The following NNMT variants were observed in gnomAD, a reference collection of about 807,000 sequenced individuals.
NNMT encodes nicotinamide N-methyltransferase.
NNMT carries 10 observed loss-of-function variants against 11.7 expected under a neutral mutation model. The ratio of observed to expected loss-of-function variants is 0.85; its 90% CI spans 0.53 to 1.45. NNMT has a LOEUF of 1.45. Ranked by LOEUF, NNMT falls within the 40% of genes most tolerant of loss-of-function variation. NNMT has a pLI of 0.00. For missense variants in NNMT, 381 were observed against 319.4 expected (o/e 1.19, Z -1.47); for synonymous variants, 143 against 133.8 (o/e 1.07, Z -0.48).
At chr11:114,276,590 G>T (rs1273616625) in intron 2 of NNMT, among the ~76,000 whole-genome samples, 1 of 152,220 alleles carries the variant, frequency 6.6e-6, no homozygotes, top group African/African-American at 2.4e-5. Context: ...TTTATAATAT[G>T]CTCCACTCAT....
Position 114,312,707 on chromosome 11 carries a change from T to A in NNMT, c.*230T>A. On this transcript the variant is annotated 3_prime_UTR_variant, in exon 3 of 3. Coordinates refer to ENST00000299964, the MANE Select transcript of NNMT (RefSeq NM_006169.3). ...CAAAGATGAGCAATTAGTATTCCAG[T>A]CTTCATTGCCTGTGCTTACAAAAGA... 1 of 521,186 alleles carries A rather than the reference T, an allele frequency of 1.9e-6. No homozygotes were observed. Among genetic ancestry groups the A allele is most frequent in the Non-Finnish European group, 3.4e-6 (1 of 294,674 alleles). The allele number at this position is 521,186 out of a possible 1,614,324, so 32.3% of individuals were successfully genotyped here. A position where few individuals can be genotyped will look rare whatever the true frequency, so the allele number is the denominator to read the frequency against.
intron 2 of NNMT, among the ~76,000 whole-genome samples, chr11:114,299,595 T>C (rs1215368014): frequency 1.3e-5 from 2 of 152,228 alleles, no homozygotes; most frequent in Non-Finnish European, 2.9e-5. Flanking sequence ...ATTATTAGTA[T>C]AATTTCCTTC....
Position 114,298,088 on chromosome 11 carries a change from C to T in NNMT, c.292C>T (p.Leu98=). The T allele has an allele frequency of 6.2e-7, 1 of 1,614,142 alleles. No homozygotes were observed. The highest frequency in any genetic ancestry group is 8.5e-7 in the Non-Finnish European group (1 of 1,180,030). Reference sequence around the variant, plus strand: ...GAACCTGCAGGAGCTGGAGAAGTGGCTGAAGAAAGAGCCAGAGGCCTTTGA... The same window carrying T: ...GAACCTGCAGGAGCTGGAGAAGTGGTTGAAGAAAGAGCCAGAGGCCTTTGA... The part of the protein sequence containing the change: ...DQNLQELEKW[L]KKEPEAFDWS... The change falls in exon 2 of 3, where the codon CTG becomes TTG. Residue 98 remains leucine, a synonymous_variant. Transcript: ENST00000299964.
At chr11:114,307,574 T>C (rs1202844763) in intron 2 of NNMT, among the ~76,000 whole-genome samples, 2 of 152,120 alleles carry the variant, frequency 1.3e-5, no homozygotes, top group Non-Finnish European at 2.9e-5. Flanking sequence ...AATCTGATCA[T>C]GTCACTCTCC....
Position 114,287,602 on chromosome 11 carries a change from T to C in NNMT, c.-129-8826T>C, listed in dbSNP as rs553090520. Among the ~76,000 whole-genome samples, 12 of 152,336 alleles carry C rather than the reference T, an allele frequency of 7.9e-5. No individual in the cohort carries two copies. In the East Asian group the frequency reaches 2.3e-3, roughly 29 times the overall value. On this transcript the variant is annotated intron_variant, in intron 2 of 4. Transcript: ENST00000535401. Reference sequence around the variant, plus strand: ...CTCTACTCTGTTCTATTGGTCTATTTGTCAATCCTACTACCAATACTACTC... The same window carrying C: ...CTCTACTCTGTTCTATTGGTCTATTCGTCAATCCTACTACCAATACTACTC...
At chr11:114,305,968 A>G (rs558776288) in intron 2 of NNMT, among the ~76,000 whole-genome samples, 2,092 of 151,892 alleles carry the variant, frequency 0.014, 49 homozygotes, top group African/African-American at 0.048. Context: ...CCCACCAACA[A>G]TGTAAAAGTG....
At chr11:114,293,435 A>G (rs1945348599), upstream of NNMT, among the ~76,000 whole-genome samples, 2 of 152,022 alleles carry the variant, frequency 1.3e-5, no homozygotes, top group South Asian at 4.2e-4. Flanking sequence ...TTGCCAGAAT[A>G]GAGCTGTGTG....
intron 1 of NNMT, among the ~76,000 whole-genome samples, chr11:114,259,735 G>A (rs61001188): frequency 0.029 from 4,370 of 152,272 alleles, 226 homozygotes; most frequent in African/African-American, 0.098. Context: ...CTGCCGCCCT[G>A]CAGCCCCCTG....
At chr11:114,286,323 G>T (rs1206023791) in intron 2 of NNMT, among the ~76,000 whole-genome samples, 1 of 152,132 alleles carries the variant, frequency 6.6e-6, no homozygotes, top group Admixed American at 6.5e-5. Flanking sequence ...GAGCATAAAG[G>T]TTAATATAAA....
At chr11:114,283,443 G>A (rs768401317) in intron 2 of NNMT, among the ~76,000 whole-genome samples, 1 of 152,160 alleles carries the variant, frequency 6.6e-6, no homozygotes, top group Non-Finnish European at 1.5e-5. Context: ...TTACCAAAAT[G>A]CACATAAAGA....
chr11:114,279,124 C>T (rs891900019), intron 2 of NNMT, among the ~76,000 whole-genome samples: 2 of 152,142 alleles, frequency 1.3e-5, no homozygotes, highest in African/African-American at 4.8e-5. Flanking sequence ...ATCCTCAAGT[C>T]ACCATATACA....
At chr11:114,260,087 C>T (rs1296669847) in intron 1 of NNMT, among the ~76,000 whole-genome samples, 4 of 152,178 alleles carry the variant, frequency 2.6e-5, no homozygotes, top group African/African-American at 4.8e-5. Context: ...CAACAGCTCA[C>T]CAAGCAGAGG....
chr11:114,259,154 T>C (rs897240719), intron 1 of NNMT, among the ~76,000 whole-genome samples: 2 of 152,166 alleles, frequency 1.3e-5, no homozygotes, highest in Non-Finnish European at 2.9e-5. Flanking sequence ...TGGCACATGA[T>C]AGGCACCCGG....
Position 114,275,613 on chromosome 11 carries a change from GA to G in NNMT, c.-130+12680del, listed in dbSNP as rs764691557. ...AGGAGTGACCTGATTCTGATATTCT[GA>G]GATTCTGTGAGTGTGTGTATGGCTT... On this transcript the variant is annotated intron_variant, in intron 2 of 4. Transcript: ENST00000535401. Among the ~76,000 whole-genome samples, 3 of 152,276 alleles carry G rather than the reference GA, an allele frequency of 2.0e-5. No homozygotes were observed. In the South Asian group the frequency reaches 6.2e-4, roughly 32 times the overall value.
At chr11:114,297,908 T>G in intron 1 of NNMT, 43 bp from the exon 2 acceptor site, 3,248 of 1,540,984 alleles carry the variant, frequency 2.1e-3, no homozygotes, top group Non-Finnish European at 2.7e-3. Context: ...CCCACTGCCA[T>G]GAGATGCCTG....
Position 114,298,070 on chromosome 11 carries a change from C to CA in NNMT, c.275dup (p.Glu93GlyfsTer14). On this transcript the variant is annotated frameshift_variant, in exon 2 of 3. Coordinates refer to ENST00000299964, the MANE Select transcript of NNMT (RefSeq NM_006169.3). LOFTEE classifies it high-confidence loss of function. ...CACTGACTACTCAGACCAGAACCTGCAGGAGCTGGAGAAGTGGCTGAAGAA... is the reference window on the plus strand; with the variant it reads ...CACTGACTACTCAGACCAGAACCTGCAAGGAGCTGGAGAAGTGGCTGAAGAA... 1.9e-6 allele frequency: 3 copies of CA among 1,614,146 alleles called. No individual in the cohort carries two copies. In the South Asian group the frequency reaches 3.3e-5, roughly 18 times the overall value.
In NNMT at chr11:114,312,329, T is replaced by TGGGCC. The variant is rs761441646; in HGVS notation, c.651_655dup (p.Glu219AlafsTer5). 45 of 1,614,042 alleles carry TGGGCC rather than the reference T, an allele frequency of 2.8e-5. No individual in the cohort carries two copies. The highest frequency in any genetic ancestry group is 1.7e-5 in the Admixed American group (1 of 60,000). On this transcript the variant is annotated frameshift_variant, in exon 3 of 3. Coordinates refer to ENST00000299964, the MANE Select transcript of NNMT (RefSeq NM_006169.3). LOFTEE classifies it low-confidence loss of function (END_TRUNC). ...GAGCAGAAGTTCTCCAGCCTCCCCC[T>TGGGCC]GGGCCGGGAGGCAGTAGAGGCTGCT...
At chr11:114,269,547 C>T (rs1945153405) in intron 2 of NNMT, 1 of 152,202 alleles carries the variant, frequency 6.6e-6, no homozygotes, top group Admixed American at 6.5e-5. Context: ...TCTACTCATC[C>T]CTTATAAATT....
chr11:114,309,864 A>G (rs1276710475), intron 2 of NNMT, among the ~76,000 whole-genome samples: 2 of 152,132 alleles, frequency 1.3e-5, no homozygotes, highest in Non-Finnish European at 2.9e-5. Context: ...ATTTCATATA[A>G]ATGGAATCAT....
Sources: gnomAD v4.1 joint callset for allele counts (sites outside exome capture counted in the v4.1 genomes callset) on GRCh38, gnomAD v4.1.1 for gene constraint, MANE v1.5 for transcripts, NCBI Gene and HGNC (gene_info 2026-07-23, HGNC 2026-07-21) for gene names.